DHRS7C: variants seen among roughly 807,000 people sequenced by gnomAD.
The protein encoded by DHRS7C is dehydrogenase/reductase SDR family member 7C.
Under a neutral mutation model 29.6 loss-of-function variants are expected in DHRS7C, and 28 were observed. The observed-to-expected ratio is 0.95, with a 90% confidence interval of 0.70 to 1.30. DHRS7C has a LOEUF of 1.30. DHRS7C is among the 50% of genes most tolerant of loss of function. The probability of loss-of-function intolerance (pLI) is 0.00; values close to 1 mark genes in which losing one functional copy is unlikely to be tolerated. For missense variants in DHRS7C, 403 were observed against 393.3 expected, an observed-to-expected ratio of 1.02 and a Z score of -0.21; for synonymous variants, 158 against 160.2, an observed-to-expected ratio of 0.99 and a Z score of 0.10.
intron 3 of DHRS7C, among the ~76,000 whole-genome samples, chr17:9,778,838 A>C (rs1315517278): frequency 6.6e-6 from 1 of 152,152 alleles, no homozygotes; most frequent in African/African-American, 2.4e-5. Flanking sequence ...CACTCCCTAA[A>C]TGGAGGCGTT....
At chr17:9,784,088 T>A (rs1176066417) in intron 1 of DHRS7C, among the ~76,000 whole-genome samples, 2 of 151,648 alleles carry the variant, frequency 1.3e-5, no homozygotes, top group Non-Finnish European at 2.9e-5. Flanking sequence ...TAGAGATGAA[T>A]ATATACCCTT....
At position 9,791,384 on chromosome 17, in the gene DHRS7C, C is replaced by G; in HGVS notation, c.-100G>C. The stretch of plus-strand genomic sequence containing the variant: ...GGGAGGCCCAAGGCTGCAGGGAGCT[C>G]AGCTCTGTGCAAGCCTCCAAGCTGA... On this transcript the variant is annotated 5_prime_UTR_variant, in exon 1 of 6. Transcript: ENST00000571134. The G allele has an allele frequency of 7.3e-7, 1 of 1,365,792 alleles. No individual in the cohort carries two copies. Among genetic ancestry groups the G allele is most frequent in the Non-Finnish European group, 1.0e-6 (1 of 1,004,008 alleles). 84.6% of individuals were successfully genotyped at this position (1,365,792 alleles called of 1,614,324 possible).
At chr17:9,789,291 C>T (rs1341687206) in intron 1 of DHRS7C, among the ~76,000 whole-genome samples, 5 of 152,126 alleles carry the variant, frequency 3.3e-5, no homozygotes. Flanking sequence ...TTAAAAGAAT[C>T]GAAATCATAC....
chr17:9,775,638 T>C lies in DHRS7C; in HGVS notation c.571+1555A>G, dbSNP rs1226168009. Among the ~76,000 whole-genome samples the C allele has an allele frequency of 6.6e-6, 1 of 152,092 alleles. No individual in the cohort carries two copies. Among genetic ancestry groups the C allele is most frequent in the African/African-American group, 2.4e-5 (1 of 41,404 alleles). ...AGCCATTCCCATTGAGGTTACTACA[T>C]GGAGGAGTAATCAAGTTTTCCCACA... is the stretch of plus-strand genomic sequence containing the variant. On this transcript the variant is annotated intron_variant, in intron 4 of 5. Coordinates refer to ENST00000571134, the MANE Select transcript of DHRS7C (RefSeq NM_001105571.3). The surrounding 1 kb of genome is among the most constrained non-coding windows in gnomAD (Gnocchi z 4.2).
chr17:9,772,759 A>G lies in DHRS7C; in HGVS notation c.727+8T>C. ...CCCAGGGGCCCCAGCTTCCCTCTGA[A>G]GTCTCACATTTCCAAATGGAAGCTT... On this transcript the variant is annotated splice_region_variant and intron_variant, in intron 5 of 5. Coordinates refer to ENST00000571134, the MANE Select transcript of DHRS7C (RefSeq NM_001105571.3). The G allele has an allele frequency of 6.2e-7, 1 of 1,613,616 alleles. No individual in the cohort carries two copies. Among genetic ancestry groups the G allele is most frequent in the Non-Finnish European group, 8.5e-7 (1 of 1,179,750 alleles).
At chr17:9,782,437 A>G (rs530187584) in intron 1 of DHRS7C, among the ~76,000 whole-genome samples, 1 of 152,158 alleles carries the variant, frequency 6.6e-6, no homozygotes, top group Non-Finnish European at 1.5e-5. Flanking sequence ...TGGTCTCAGG[A>G]AAGTCTAGCT....
Position 9,781,468 on chromosome 17 carries a change from C to T in DHRS7C, c.267+14G>A, listed in dbSNP as rs1411037207. The T allele has an allele frequency of 6.2e-7, 1 of 1,613,314 alleles. No homozygotes were observed. The highest frequency in any genetic ancestry group is 1.7e-5 in the Admixed American group (1 of 59,988). ...TCCCAGGAGTTACCCACGCCTACTG[C>T]TAGAAGACCTTACCTTGCTGGGGTC... On this transcript the variant is annotated intron_variant, in intron 2 of 5. Transcript: ENST00000571134.
chr17:9,786,652 T>A (rs998774490), intron 1 of DHRS7C, among the ~76,000 whole-genome samples: 1 of 152,166 alleles, frequency 6.6e-6, no homozygotes, highest in African/African-American at 2.4e-5. Context: ...AACAGAAACT[T>A]CCGTGGGCAG....
At chr17:9,789,341 G>A (rs983216015) in intron 1 of DHRS7C, among the ~76,000 whole-genome samples, 1 of 152,208 alleles carries the variant, frequency 6.6e-6, no homozygotes, top group African/African-American at 2.4e-5. Context: ...AAGCTGGAAA[G>A]CAATAAAACA....
At chr17:9,780,530 A>G (rs1214377972) in intron 2 of DHRS7C, among the ~76,000 whole-genome samples, 2 of 152,206 alleles carry the variant, frequency 1.3e-5, no homozygotes, top group Non-Finnish European at 2.9e-5. Context: ...TGTGCCAGGC[A>G]CTGTGTTTAG....
At chr17:9,785,709 G>A (rs575194154) in intron 1 of DHRS7C, among the ~76,000 whole-genome samples, 7 of 152,282 alleles carry the variant, frequency 4.6e-5, no homozygotes, top group Admixed American at 6.5e-5. Flanking sequence ...AAGTGCCCAC[G>A]AGAGAAAGAT....
Position 9,772,890 on chromosome 17 carries a change from A to G in DHRS7C, c.604T>C (p.Phe202Leu). 1 of 1,613,886 alleles carries G rather than the reference A, an allele frequency of 6.2e-7. No homozygotes were observed. Among genetic ancestry groups the G allele is most frequent in the Non-Finnish European group, 8.5e-7 (1 of 1,179,878 alleles). ...TCCACTTCGGCTCGGAGGCAGTCAA[A>G]GAAGCCCAGGGCTGCGTGCTTGGAG... ...AASKHAALGF[F>L]DCLRAEVEEY... Residue 202 changes from phenylalanine to leucine, a missense_variant, in exon 5 of 6, where the codon TTT (phenylalanine) becomes CTT (leucine). Coordinates refer to ENST00000571134, the MANE Select transcript of DHRS7C (RefSeq NM_001105571.3).
intron 1 of DHRS7C, among the ~76,000 whole-genome samples, chr17:9,782,180 T>TAGA (rs1567702498): frequency 6.6e-6 from 1 of 152,224 alleles, no homozygotes; most frequent in Non-Finnish European, 1.5e-5. Context: ...TTAAAAGCAA[T>TAGA]AGAAGCTCAC....
chr17:9,771,572 G>A lies in DHRS7C; in HGVS notation c.852C>T (p.Tyr284=), dbSNP rs1296866792. The A allele has an allele frequency of 3.8e-6, 6 of 1,593,654 alleles. No homozygotes were observed. The highest frequency in any genetic ancestry group is 1.1e-5 in the South Asian group (1 of 88,176). The part of the protein sequence containing the change: ...MANPIPKAAV[Y]VRTFFPEFFF... Reference sequence around the variant, plus strand: ...AGAACTCCGGGAAGAAGGTGCGGACGTACACGGCGGCCTTGGGGATGGGGT... The same window carrying A: ...AGAACTCCGGGAAGAAGGTGCGGACATACACGGCGGCCTTGGGGATGGGGT... The change falls in exon 6 of 6, where the codon TAC becomes TAT. Residue 284 remains tyrosine (Y), a synonymous_variant. Coordinates refer to ENST00000571134, the MANE Select transcript of DHRS7C (RefSeq NM_001105571.3).
chr17:9,781,517 A>ATAGG lies in DHRS7C; in HGVS notation c.228_231dup (p.Tyr78ProfsTer3). ...TCAGCCACGCTGATCAAGGCATCAT[A>ATAGG]TAGGTTCTCTAGCCTCTCCCAGTTC... On this transcript the variant is annotated frameshift_variant, in exon 2 of 6. Coordinates refer to ENST00000571134, the MANE Select transcript of DHRS7C (RefSeq NM_001105571.3). LOFTEE classifies it high-confidence loss of function. 6.2e-7 allele frequency: 1 copy of ATAGG among 1,613,980 alleles called. No homozygotes were observed. The highest frequency in any genetic ancestry group is 1.3e-5 in the African/African-American group (1 of 75,040).
At chr17:9,772,482 A>C (rs72822106) in intron 5 of DHRS7C, among the ~76,000 whole-genome samples, 9,725 of 152,188 alleles carry the variant, frequency 0.064, 402 homozygotes, top group Non-Finnish European at 0.094. Context: ...ATCTGGGAAA[A>C]AGGCCCAGAG....
At chr17:9,781,687 A>T (rs1244366212) in intron 1 of DHRS7C, 93 bp from the exon 2 acceptor site, 4 of 1,277,012 alleles carry the variant, frequency 3.1e-6, no homozygotes, top group East Asian at 4.8e-5. Context: ...AATTCAAAAA[A>T]CTCAGAAGTC....
At chr17:9,777,161 G>A (rs761589619) in intron 4 of DHRS7C, 32 bp downstream of exon 4, 1 of 1,566,754 alleles carries the variant, frequency 6.4e-7, no homozygotes, top group Non-Finnish European at 8.8e-7. Flanking sequence ...ACATACAACA[G>A]AAGATATCAT....
In DHRS7C at chr17:9,772,904, G is replaced by A. The variant is rs1458914056; in HGVS notation, c.590C>T (p.Ala197Val). The A allele has an allele frequency of 6.2e-7, 1 of 1,613,782 alleles. No homozygotes were observed. The highest frequency in any genetic ancestry group is 8.5e-7 in the Non-Finnish European group (1 of 1,179,876). Reference sequence around the variant, plus strand: ...GAGGCAGTCAAAGAAGCCCAGGGCTGCGTGCTTGGAGGCAGCGTCTGCGAG... The same window carrying A: ...GAGGCAGTCAAAGAAGCCCAGGGCTACGTGCTTGGAGGCAGCGTCTGCGAG... ...FRTTYAASKH[A>V]ALGFFDCLRA... Residue 197 changes from alanine (A) to valine (V), a missense_variant, in exon 5 of 6, where the codon GCA becomes GTA. By Grantham distance (64) the Ala-to-Val change is moderately conservative. Transcript: ENST00000571134.
Sources: allele counts gnomAD v4.1 joint callset (sites outside exome capture counted in the v4.1 genomes callset), GRCh38; gene constraint gnomAD v4.1.1; non-coding constraint Gnocchi (gnomAD v3.1); transcripts MANE v1.5; gene names NCBI Gene and HGNC (gene_info 2026-07-23, HGNC 2026-07-21).